The following MSRA variants were observed in gnomAD, a reference collection of about 807,000 sequenced individuals.
MSRA encodes mitochondrial peptide methionine sulfoxide reductase.
MSRA carries 54 observed loss-of-function variants against 31.3 expected under a neutral mutation model. The observed-to-expected ratio is 1.73, with a 90% CI of 1.39 to 2.17. The LOEUF is 2.17. Ranked by LOEUF, MSRA falls within the 30% of genes most tolerant of loss-of-function variation. MSRA has a pLI of 0.00. For synonymous variants in MSRA, 169 were observed against 116.5 expected (o/e 1.45, Z -2.90); for missense variants, 507 against 300.9 (o/e 1.69, Z -5.07).
intron 2 of MSRA, among the ~76,000 whole-genome samples, chr8:10,239,969 C>T (rs138695828): frequency 4.5e-4 from 69 of 152,238 alleles, no homozygotes; most frequent in African/African-American, 1.6e-3. Context: ...TTTTTCAGGA[C>T]GGCAGTTCCT....
intron 2 of MSRA, among the ~76,000 whole-genome samples, chr8:10,241,217 A>C (rs1812384987): frequency 6.6e-6 from 1 of 151,914 alleles, no homozygotes; most frequent in African/African-American, 2.4e-5. Flanking sequence ...TTCCCATTAA[A>C]CTAGGCTTCT....
intron 5 of MSRA, among the ~76,000 whole-genome samples, chr8:10,324,419 G>A (rs149745982): frequency 6.6e-5 from 10 of 152,246 alleles, no homozygotes; most frequent in African/African-American, 1.4e-4. Context: ...TCCCAAGAGC[G>A]GGACGGCCAT....
chr8:10,054,588 C>T lies in MSRA; in HGVS notation c.72C>T (p.Gly24=), dbSNP rs1439565958. Residue 24 remains glycine (G), a synonymous_variant, in exon 1 of 6, where the codon GGC becomes GGT. Coordinates refer to ENST00000317173, the MANE Select transcript of MSRA (RefSeq NM_012331.5). Reference sequence around the variant, plus strand: ...GCCTCTTTCCCGTCCCGAGGATGGGCAACTCGGCCTCGAACATCGTCAGCC... The same window carrying T: ...GCCTCTTTCCCGTCCCGAGGATGGGTAACTCGGCCTCGAACATCGTCAGCC... ...LHSLFPVPRM[G]NSASNIVSPQ... 1.3e-6 allele frequency: 2 copies of T among 1,582,054 alleles called. No individual in the cohort carries two copies. The highest frequency in any genetic ancestry group is 1.8e-5 in the Admixed American group (1 of 56,562).
intron 5 of MSRA, among the ~76,000 whole-genome samples, chr8:10,336,336 A>T (rs979355163): frequency 6.6e-6 from 1 of 152,130 alleles, no homozygotes; most frequent in Non-Finnish European, 1.5e-5. Flanking sequence ...AAACACTAAT[A>T]TATTATTTTT....
intron 1 of MSRA, among the ~76,000 whole-genome samples, chr8:10,143,983 C>T (rs1485459564): frequency 1.3e-5 from 2 of 152,096 alleles, no homozygotes; most frequent in East Asian, 3.9e-4. Flanking sequence ...TGAGGATGTT[C>T]TGTGGTGAAT....
At chr8:10,422,971 C>T (rs141831024) in intron 5 of MSRA, among the ~76,000 whole-genome samples, 70 of 152,322 alleles carry the variant, frequency 4.6e-4, no homozygotes, top group East Asian at 1.4e-3. Context: ...GTCTTGAGGC[C>T]GGAGCGCCAC....
At chr8:10,348,464 T>C (rs1180726672) in intron 5 of MSRA, among the ~76,000 whole-genome samples, 1 of 146,810 alleles carries the variant, frequency 6.8e-6, no homozygotes, top group East Asian at 2.1e-4. Context: ...CTGCCTCCTG[T>C]GTTCAAGCAG....
chr8:10,398,991 C>G (rs962011464), intron 5 of MSRA, among the ~76,000 whole-genome samples: 1 of 152,136 alleles, frequency 6.6e-6, no homozygotes, highest in Admixed American at 6.5e-5. Context: ...GGAAAAAGCC[C>G]GAGGACTGGG....
rs114403347 is a variant in MSRA, at chr8:10,209,971, C to A, written c.211+2070C>A. On this transcript the variant is annotated intron_variant, in intron 2 of 5. Coordinates refer to ENST00000317173, the MANE Select transcript of MSRA (RefSeq NM_012331.5). ...GCTCTTCCAGATGCTTAAATTAAGG[C>A]CTTATTTTGGTTAAGTATATGCAAG... Among the ~76,000 whole-genome samples, 607 of 152,256 alleles carry A rather than the reference C, an allele frequency of 4.0e-3. 8 individuals are homozygous for A. Among genetic ancestry groups the A allele is most frequent in the African/African-American group, 0.014 (577 of 41,544 alleles).
chr8:10,110,357 T>C (rs1176776591), intron 1 of MSRA, among the ~76,000 whole-genome samples: 1 of 152,200 alleles, frequency 6.6e-6, no homozygotes, highest in African/African-American at 2.4e-5. Flanking sequence ...TTGTGGCTTG[T>C]TCTCCAGCCT....
intron 1 of MSRA, among the ~76,000 whole-genome samples, chr8:10,111,931 A>G (rs1800319563): frequency 6.6e-6 from 1 of 152,142 alleles, no homozygotes; most frequent in Non-Finnish European, 1.5e-5. Flanking sequence ...GCAGCAGCTG[A>G]GGTCATAGCC....
chr8:10,152,267 G>C (rs752944757), intron 1 of MSRA, among the ~76,000 whole-genome samples: 2 of 152,162 alleles, frequency 1.3e-5, no homozygotes, highest in African/African-American at 2.4e-5. Flanking sequence ...ACATGTATAC[G>C]TATGTATATA....
At chr8:10,402,785 T>C (rs1807547383) in intron 5 of MSRA, among the ~76,000 whole-genome samples, 1 of 152,238 alleles carries the variant, frequency 6.6e-6, no homozygotes, top group Non-Finnish European at 1.5e-5. Context: ...TTTGCAGTTA[T>C]TTGCTTTGCA....
chr8:10,082,227 A>G (rs530371314), intron 1 of MSRA, among the ~76,000 whole-genome samples: 25 of 152,148 alleles, frequency 1.6e-4, no homozygotes, highest in Middle Eastern at 3.4e-3. Context: ...AAGCCAAACA[A>G]ACGAAACAAA....
chr8:10,238,084 T>C (rs1023263087), intron 2 of MSRA, among the ~76,000 whole-genome samples: 3 of 152,218 alleles, frequency 2.0e-5, no homozygotes, highest in Non-Finnish European at 4.4e-5. Context: ...GCTTATCTGA[T>C]CTTTGTCCTG....
chr8:10,070,297 T>G (rs1248856699), intron 1 of MSRA, among the ~76,000 whole-genome samples: 5 of 152,186 alleles, frequency 3.3e-5, no homozygotes, highest in Non-Finnish European at 7.3e-5. Flanking sequence ...CTTAGTCAAT[T>G]TGCATCTGGA....
chr8:10,102,471 C>A (rs898185923), intron 1 of MSRA, among the ~76,000 whole-genome samples: 2 of 152,100 alleles, frequency 1.3e-5, no homozygotes, highest in South Asian at 4.1e-4. Flanking sequence ...TATGTCTTTA[C>A]TGAGACTTTC....
At chr8:10,200,346 GC>G (rs1316748406) in intron 1 of MSRA, among the ~76,000 whole-genome samples, 3 of 152,200 alleles carry the variant, frequency 2.0e-5, no homozygotes, top group Non-Finnish European at 2.9e-5. Flanking sequence ...TTTGGGGGCA[GC>G]CCCCACTTGC....
intron 1 of MSRA, among the ~76,000 whole-genome samples, chr8:10,067,702 T>G (rs1201098406): frequency 6.6e-6 from 1 of 152,168 alleles, no homozygotes; most frequent in Non-Finnish European, 1.5e-5. Flanking sequence ...TGCTTTGGAT[T>G]TTAGCTATTC....
Sources: allele counts gnomAD v4.1 joint callset (sites outside exome capture counted in the v4.1 genomes callset), GRCh38; gene constraint gnomAD v4.1.1; transcripts MANE v1.5; gene names NCBI Gene and HGNC (gene_info 2026-07-23, HGNC 2026-07-21).